The following ANKRD40 variants were observed in gnomAD, a reference collection of about 807,000 sequenced individuals.
The protein encoded by ANKRD40 is ankyrin repeat domain 40.
Under a neutral mutation model 35.5 loss-of-function variants are expected in ANKRD40, and 24 were observed. The ratio of observed to expected loss-of-function variants is 0.68; its 90% CI spans 0.49 to 0.95. ANKRD40 has a LOEUF of 0.95. ANKRD40 is among the 40% of genes least tolerant of loss of function. The pLI is 0.00. For missense variants in ANKRD40, 361 were observed against 436.0 expected (o/e 0.83, Z 1.53); for synonymous variants, 147 against 173.5 (o/e 0.85, Z 1.20).
At chr17:50,704,529 A>C (rs941600932) in intron 1 of ANKRD40, among the ~76,000 whole-genome samples, 2 of 151,442 alleles carry the variant, frequency 1.3e-5, no homozygotes, top group African/African-American at 4.8e-5. Context: ...AAAAAAAAAA[A>C]AAAAAAAAAC....
Position 50,707,263 on chromosome 17 carries a change from G to A in ANKRD40, c.134+258C>T, listed in dbSNP as rs914900636. Among the ~76,000 whole-genome samples the A allele has an allele frequency of 1.3e-5, 2 of 152,298 alleles. No individual in the cohort carries two copies. Among genetic ancestry groups the A allele is most frequent in the Non-Finnish European group, 2.9e-5 (2 of 68,010 alleles). The stretch of plus-strand genomic sequence containing the variant: ...CTGACCAAGTGAGCCGGGAGCGCGG[G>A]GGAAGGGGGTAGGGCACCAGAGTCC... On this transcript the variant is annotated intron_variant, in intron 1 of 4. Coordinates refer to ENST00000285243, the MANE Select transcript of ANKRD40 (RefSeq NM_052855.4). The surrounding 1 kb of genome is among the most constrained non-coding windows in gnomAD (Gnocchi z 4.8).
At position 50,707,678 on chromosome 17, in the gene ANKRD40, C is replaced by T. The variant is rs12601696; in HGVS notation, c.-24G>A. On this transcript the variant is annotated 5_prime_UTR_variant, in exon 1 of 5. Coordinates refer to ENST00000285243, the MANE Select transcript of ANKRD40 (RefSeq NM_052855.4). The surrounding 1 kb of genome is among the most constrained non-coding windows in gnomAD (Gnocchi z 4.8). ...ATCTTCCCACAGCCCCAGGCCCCCGCCCAGGCCCGCCTGCCCCGCCCCGCC... is the reference window on the plus strand; with the variant it reads ...ATCTTCCCACAGCCCCAGGCCCCCGTCCAGGCCCGCCTGCCCCGCCCCGCC... 0.067 allele frequency: 96,388 copies of T among 1,448,572 alleles called. 3,411 individuals are homozygous for T. Among genetic ancestry groups the T allele is most frequent in the South Asian group, 0.07 (5,048 of 71,732 alleles). 89.7% of individuals were successfully genotyped at this position (1,448,572 alleles called of 1,614,324 possible). A position where few individuals can be genotyped will look rare whatever the true frequency, so the allele number is the denominator to read the frequency against.
Position 50,695,876 on chromosome 17 carries a change from A to T in ANKRD40, c.*121T>A. On this transcript the variant is annotated 3_prime_UTR_variant, in exon 5 of 5. Transcript: ENST00000285243. Reference sequence around the variant, plus strand: ...TACCTTGGCAGAATGATGTTAGTATATACTATGCAGTGGCACCAGAGGCCC... The same window carrying T: ...TACCTTGGCAGAATGATGTTAGTATTTACTATGCAGTGGCACCAGAGGCCC... The T allele has an allele frequency of 1.6e-6, 2 of 1,229,388 alleles. No individual in the cohort carries two copies. Among genetic ancestry groups the T allele is most frequent in the Non-Finnish European group, 2.3e-6 (2 of 874,476 alleles). 76.2% of individuals were successfully genotyped at this position (1,229,388 alleles called of 1,614,324 possible).
At chr17:50,697,254 G>A in intron 3 of ANKRD40, 133 bp from the exon 4 acceptor site, 1 of 897,416 alleles carries the variant, frequency 1.1e-6, no homozygotes, top group Non-Finnish European at 1.6e-6. Context: ...CCTGTTTGGT[G>A]GGAAAACCAA....
Position 50,705,456 on chromosome 17 carries a change from C to CA in ANKRD40, c.134+2064dup, listed in dbSNP as rs1239606375. Among the ~76,000 whole-genome samples, 6 of 151,602 alleles carry CA rather than the reference C, an allele frequency of 4.0e-5. No individual in the cohort carries two copies. The East Asian group carries it at 1.2e-3, about 29-fold the overall frequency. On this transcript the variant is annotated intron_variant, in intron 1 of 4. Coordinates refer to ENST00000285243, the MANE Select transcript of ANKRD40 (RefSeq NM_052855.4). ...AAAAACAGAACAAAAAGGTAGTATC[C>CA]ACTGTTTCCTGGCCTTCTGGACAGC...
Position 50,699,850 on chromosome 17 carries a change from G to C in ANKRD40, c.327C>G (p.Pro109=), listed in dbSNP as rs150044915. 23 of 1,519,544 alleles carry C rather than the reference G, an allele frequency of 1.5e-5. No individual in the cohort carries two copies. The highest frequency in any genetic ancestry group is 1.8e-5 in the Non-Finnish European group (21 of 1,135,260). 94.1% of individuals were successfully genotyped at this position (1,519,544 alleles called of 1,614,324 possible). ...DDDDDDDDNL[P]QLKKESELPF... ...GCAGTTCTGACTCCTTCTTCAGCTG[G>C]GGGAGGTTGTCATCATCATCATCAT... Residue 109 remains proline, a synonymous_variant, in exon 3 of 5, where the codon CCC becomes CCG. Coordinates refer to ENST00000285243, the MANE Select transcript of ANKRD40 (RefSeq NM_052855.4).
intron 3 of ANKRD40, among the ~76,000 whole-genome samples, chr17:50,698,648 C>T (rs1259050214): frequency 3.9e-5 from 6 of 152,034 alleles, no homozygotes; most frequent in African/African-American, 1.5e-4. Context: ...CAGAGGAGTA[C>T]AGATAGTCCA....
At chr17:50,697,182 A>T in intron 3 of ANKRD40, 61 bp from the exon 4 acceptor site, 2 of 1,453,366 alleles carry the variant, frequency 1.4e-6, no homozygotes, top group Non-Finnish European at 1.9e-6. Context: ...CATGTTGTTT[A>T]AGATCTTTTC....
In ANKRD40 at chr17:50,695,866, A is replaced by T. The variant is rs1472626074; in HGVS notation, c.*131T>A. 2 of 1,075,772 alleles carry T rather than the reference A, an allele frequency of 1.9e-6. No individual in the cohort carries two copies. Among genetic ancestry groups the T allele is most frequent in the African/African-American group, 3.2e-5 (2 of 62,968 alleles). The allele number at this position is 1,075,772 out of a possible 1,614,324, so 66.6% of individuals were successfully genotyped here. A position where few individuals can be genotyped will look rare whatever the true frequency, so the allele number is the denominator to read the frequency against. On this transcript the variant is annotated 3_prime_UTR_variant, in exon 5 of 5. Transcript: ENST00000285243. The stretch of plus-strand genomic sequence containing the variant: ...AGGGGCTTCCTACCTTGGCAGAATG[A>T]TGTTAGTATATACTATGCAGTGGCA...
At chr17:50,706,435 T>C (rs1968339971) in intron 1 of ANKRD40, among the ~76,000 whole-genome samples, 2 of 152,144 alleles carry the variant, frequency 1.3e-5, no homozygotes, top group African/African-American at 4.8e-5. Context: ...AAGCATTACC[T>C]GAATCAAAAT....
At chr17:50,700,091 T>C (rs1968251673) in intron 2 of ANKRD40, among the ~76,000 whole-genome samples, 198 bp from the exon 3 acceptor site, 1 of 152,218 alleles carries the variant, frequency 6.6e-6, no homozygotes, top group South Asian at 2.1e-4. Context: ...AACCTTACAA[T>C]GCTGACCTCC....
At position 50,699,883 on chromosome 17, in the gene ANKRD40, T is replaced by TCA; in HGVS notation, c.293_294insTG (p.Glu98AspfsTer15). The TCA allele has an allele frequency of 6.7e-7, 1 of 1,498,136 alleles. No individual in the cohort carries two copies. Among genetic ancestry groups the TCA allele is most frequent in the East Asian group, 2.3e-5 (1 of 43,132 alleles). 92.8% of individuals were successfully genotyped at this position (1,498,136 alleles called of 1,614,324 possible). Reference sequence around the variant, plus strand: ...TGTCATCATCATCATCATCATCATCTTCTTCTTCCACTTAAAAAGAAGAAA... The same window carrying TCA: ...TGTCATCATCATCATCATCATCATCTCATCTTCTTCCACTTAAAAAGAAGAAA... On this transcript the variant is annotated frameshift_variant, in exon 3 of 5. Coordinates refer to ENST00000285243, the MANE Select transcript of ANKRD40 (RefSeq NM_052855.4). LOFTEE classifies it high-confidence loss of function.
Position 50,699,850 on chromosome 17 carries a change from G to T in ANKRD40, c.327C>A (p.Pro109=). The change falls in exon 3 of 5, where the codon CCC becomes CCA. Residue 109 remains proline (P), a synonymous_variant. Transcript: ENST00000285243. ...GCAGTTCTGACTCCTTCTTCAGCTG[G>T]GGGAGGTTGTCATCATCATCATCAT... is the stretch of plus-strand genomic sequence containing the variant. ...DDDDDDDDNL[P]QLKKESELPF... The T allele has an allele frequency of 6.6e-7, 1 of 1,519,660 alleles. No homozygotes were observed. Among genetic ancestry groups the T allele is most frequent in the South Asian group, 1.3e-5 (1 of 75,306 alleles). The allele number at this position is 1,519,660 out of a possible 1,614,324, so 94.1% of individuals were successfully genotyped here.
chr17:50,696,875 C>G (rs1358512358), intron 4 of ANKRD40, 65 bp downstream of exon 4: 2 of 1,439,086 alleles, frequency 1.4e-6, no homozygotes, highest in Non-Finnish European at 1.9e-6. Flanking sequence ...CCTCATATAA[C>G]CAAGGAGGGG....
chr17:50,700,453 AAAAAAAAG>A, intron 2 of ANKRD40, 107 bp downstream of exon 2: 4 of 1,145,974 alleles, frequency 3.5e-6, no homozygotes, highest in East Asian at 2.5e-5. Flanking sequence ...CGGAAAAAAA[AAAAAAAAG>A]AAAGAAATAG....
rs1379716023 is a variant in ANKRD40, at chr17:50,695,055, G to A, written c.*942C>T. 1.3e-5 allele frequency: 2 copies of A among 152,070 alleles called. No homozygotes were observed. Among genetic ancestry groups the A allele is most frequent in the Non-Finnish European group, 2.9e-5 (2 of 68,020 alleles). The allele number at this position is 152,070 out of a possible 1,614,324, so 9.4% of individuals were successfully genotyped here. A position where few individuals can be genotyped will look rare whatever the true frequency, so the allele number is the denominator to read the frequency against. ...ATAGGATGCAGTTACACACACATAT[G>A]ACTGGAATCACTTCAGAGTAAAAAA... is the stretch of plus-strand genomic sequence containing the variant. On this transcript the variant is annotated 3_prime_UTR_variant, in exon 5 of 5. Coordinates refer to ENST00000285243, the MANE Select transcript of ANKRD40 (RefSeq NM_052855.4).
chr17:50,707,584 C>A lies in ANKRD40; in HGVS notation c.71G>T (p.Arg24Leu), dbSNP rs551868482. The change falls in exon 1 of 5, where the codon CGG becomes CTG. Residue 24 changes from arginine (R) to leucine (L), a missense_variant. By Grantham distance (102) the Arg-to-Leu change is moderately radical. Coordinates refer to ENST00000285243, the MANE Select transcript of ANKRD40 (RefSeq NM_052855.4). The surrounding 1 kb of genome is among the most constrained non-coding windows in gnomAD (Gnocchi z 4.8). ...GCTCTCCACCAGTTTCTGCACCTCCCGAATGTCCCCTAAGGCCGCGGCCTC... is the reference window on the plus strand; with the variant it reads ...GCTCTCCACCAGTTTCTGCACCTCCAGAATGTCCCCTAAGGCCGCGGCCTC... ...LREAAALGDI[R>L]EVQKLVESGV... is the part of the protein sequence containing the mutation. 1 of 1,607,952 alleles carries A rather than the reference C, an allele frequency of 6.2e-7. No homozygotes were observed. Among genetic ancestry groups the A allele is most frequent in the South Asian group, 1.1e-5 (1 of 90,752 alleles).
At chr17:50,705,299 G>C (rs1968319242) in intron 1 of ANKRD40, among the ~76,000 whole-genome samples, 2 of 151,922 alleles carry the variant, frequency 1.3e-5, no homozygotes, top group East Asian at 1.9e-4. Flanking sequence ...GAACCTGCAG[G>C]AAAGACCAGG....
intron 1 of ANKRD40, among the ~76,000 whole-genome samples, chr17:50,705,932 T>C (rs1357209806): frequency 6.7e-6 from 1 of 149,998 alleles, no homozygotes; most frequent in Non-Finnish European, 1.5e-5. Flanking sequence ...GTGCTGAGAT[T>C]ACAGGCGTCA....
Sources: gnomAD v4.1 joint callset for allele counts (sites outside exome capture counted in the v4.1 genomes callset) on GRCh38, gnomAD v4.1.1 for gene constraint, Gnocchi (gnomAD v3.1) non-coding constraint, MANE v1.5 for transcripts, NCBI Gene and HGNC (gene_info 2026-07-23, HGNC 2026-07-21) for gene names.